Variants in GLRX3 observed in about 807,000 individuals in gnomAD.
GLRX3 encodes glutaredoxin-3.
GLRX3 carries 22 observed loss-of-function variants against 49.5 expected under a neutral mutation model. The observed-to-expected ratio is 0.44, with a 90% CI of 0.32 to 0.63. GLRX3 has a LOEUF of 0.63. Among genes scored for constraint, GLRX3 ranks in the 30% least tolerant of loss-of-function variants. The probability of loss-of-function intolerance (pLI) is 0.05; values close to 1 mark genes in which losing one functional copy is unlikely to be tolerated. For synonymous variants in GLRX3, 133 were observed against 140.0 expected, an observed-to-expected ratio of 0.95 and a Z score of 0.35; for missense variants, 385 against 396.3, an observed-to-expected ratio of 0.97 and a Z score of 0.24.
At chr10:130,138,420 C>CT (rs1157648443) in intron 1 of GLRX3, among the ~76,000 whole-genome samples, 96 of 152,216 alleles carry the variant, frequency 6.3e-4, no homozygotes, top group Non-Finnish European at 2.6e-4. Flanking sequence ...AAGTAGTACT[C>CT]TGATTTTGCA....
intron 2 of GLRX3, among the ~76,000 whole-genome samples, chr10:130,151,395 A>G (rs1213492181): frequency 6.6e-6 from 1 of 152,166 alleles, no homozygotes; most frequent in Non-Finnish European, 1.5e-5. Flanking sequence ...ATTATACTTT[A>G]AATTCTAGGG....
At position 130,179,478 on chromosome 10, in the gene GLRX3, T is replaced by C. The variant is rs1054525799; in HGVS notation, c.*86T>C. On this transcript the variant is annotated 3_prime_UTR_variant, in exon 11 of 11. Coordinates refer to ENST00000331244, the MANE Select transcript of GLRX3 (RefSeq NM_006541.5). ...CATGATTTAGTCCTCAGAAATGGAC[T>C]AGGAATAGAAAATTCCTGCTTTCTC... 3.6e-4 allele frequency: 259 copies of C among 727,084 alleles called. 1 individual carries two copies. Among genetic ancestry groups the C allele is most frequent in the Middle Eastern group, 3.8e-4 (1 of 2,642 alleles). The allele number at this position is 727,084 out of a possible 1,614,324, so 45.0% of individuals were successfully genotyped here. A position where few individuals can be genotyped will look rare whatever the true frequency, so the allele number is the denominator to read the frequency against.
rs201349500 is a variant in GLRX3, at chr10:130,136,499, C to T, written c.79C>T (p.Arg27Cys). 3.7e-5 allele frequency: 47 copies of T among 1,261,930 alleles called. No homozygotes were observed. In the East Asian group the frequency reaches 1.2e-3, roughly 33 times the overall value. 78.2% of individuals were successfully genotyped at this position (1,261,930 alleles called of 1,614,324 possible). A position where few individuals can be genotyped will look rare whatever the true frequency, so the allele number is the denominator to read the frequency against. ...GSAGQFEELL[R>C]LKAKSLLVVH... Reference sequence around the variant, plus strand: ...AGCCGGGCAGTTTGAGGAGCTGCTGCGCCTCAAAGCCAAGTAAGCGGGGCG... The same window carrying T: ...AGCCGGGCAGTTTGAGGAGCTGCTGTGCCTCAAAGCCAAGTAAGCGGGGCG... The change falls in exon 1 of 11, where the codon CGC (arginine) becomes TGC (cysteine). Residue 27 changes from arginine to cysteine, a missense_variant. This residue lies in a region of GLRX3 where 374 missense variants were observed against 358.6 expected (regional missense o/e 1.04). Coordinates refer to ENST00000331244, the MANE Select transcript of GLRX3 (RefSeq NM_006541.5).
intron 6 of GLRX3, among the ~76,000 whole-genome samples, chr10:130,168,483 A>C (rs551238695): frequency 4.6e-5 from 7 of 152,238 alleles, no homozygotes; most frequent in African/African-American, 7.2e-5. Context: ...CTGGCTCTGT[A>C]GCCCAGGCTG....
At chr10:130,141,639 CTG>C (rs1445958144) in intron 1 of GLRX3, among the ~76,000 whole-genome samples, 1 of 152,208 alleles carries the variant, frequency 6.6e-6, no homozygotes, top group Non-Finnish European at 1.5e-5. Flanking sequence ...TTGCTCATGT[CTG>C]TGGTTGGTTC....
At chr10:130,145,677 A>C (rs1465928917) in intron 2 of GLRX3, among the ~76,000 whole-genome samples, 1 of 152,174 alleles carries the variant, frequency 6.6e-6, no homozygotes, top group African/African-American at 2.4e-5. Context: ...AAATAAATAA[A>C]TAAAATAAAA....
intron 6 of GLRX3, among the ~76,000 whole-genome samples, chr10:130,168,251 C>G (rs1862732255): frequency 6.6e-6 from 1 of 152,134 alleles, no homozygotes. Flanking sequence ...TGTATTTTGG[C>G]AGTACTTTGT....
intron 2 of GLRX3, among the ~76,000 whole-genome samples, chr10:130,150,101 G>T (rs1862344580): frequency 6.6e-6 from 1 of 151,756 alleles, no homozygotes; most frequent in African/African-American, 2.4e-5. Context: ...TCAGCCAGCT[G>T]TGGTGGGACA....
At position 130,143,366 on chromosome 10, in the gene GLRX3, A is replaced by AT. The variant is rs531415772; in HGVS notation, c.93-1838dup. ...CATATTTCTGTTCGTGATTTTTCAG[A>AT]TTTTTTTGGGAGGTGGTATTATATT... On this transcript the variant is annotated intron_variant, in intron 1 of 10. Coordinates refer to ENST00000331244, the MANE Select transcript of GLRX3 (RefSeq NM_006541.5). Among the ~76,000 whole-genome samples, 72 of 152,050 alleles carry AT rather than the reference A, an allele frequency of 4.7e-4. No homozygotes were observed. The East Asian group carries it at 7.5e-3, about 16-fold the overall frequency.
At chr10:130,178,693 CTTCA>C (rs145040930) in intron 10 of GLRX3, among the ~76,000 whole-genome samples, 13,129 of 152,112 alleles carry the variant, frequency 0.086, 900 homozygotes, top group African/African-American at 0.19. Flanking sequence ...GATACCTTAA[CTTCA>C]TTTATTTATT....
At chr10:130,143,320 T>G (rs1862209618) in intron 1 of GLRX3, among the ~76,000 whole-genome samples, 1 of 152,232 alleles carries the variant, frequency 6.6e-6, no homozygotes, top group Non-Finnish European at 1.5e-5. Flanking sequence ...TTAGTTGTCC[T>G]TGGTTCTTTT....
intron 4 of GLRX3, among the ~76,000 whole-genome samples, chr10:130,163,970 A>G (rs1231493251): frequency 6.6e-6 from 1 of 152,148 alleles, no homozygotes; most frequent in African/African-American, 2.4e-5. Flanking sequence ...TTGTTTTTTG[A>G]TTAGTTTGTC....
chr10:130,153,957 G>A (rs1308430166), intron 2 of GLRX3, among the ~76,000 whole-genome samples: 1 of 152,174 alleles, frequency 6.6e-6, no homozygotes, highest in Non-Finnish European at 1.5e-5. Context: ...CCCAGTTTGA[G>A]CTTCCCTGCC....
At chr10:130,143,632 A>T (rs1376084879) in intron 1 of GLRX3, among the ~76,000 whole-genome samples, 1 of 152,024 alleles carries the variant, frequency 6.6e-6, no homozygotes, top group Non-Finnish European at 1.5e-5. Context: ...GGGCTCAAGT[A>T]ATCCTTCCAC....
chr10:130,153,301 A>G (rs572643617), intron 2 of GLRX3, among the ~76,000 whole-genome samples: 1 of 152,272 alleles, frequency 6.6e-6, no homozygotes, highest in African/African-American at 2.4e-5. Flanking sequence ...TGCTTCTGTC[A>G]ACTTGTTGAA....
chr10:130,158,880 C>T (rs140550421), intron 2 of GLRX3, among the ~76,000 whole-genome samples: 23 of 151,796 alleles, frequency 1.5e-4, no homozygotes, highest in Middle Eastern at 6.8e-3. Flanking sequence ...AAAGTGTTTT[C>T]TAAAAAAATA....
intron 2 of GLRX3, among the ~76,000 whole-genome samples, chr10:130,146,948 T>C (rs937726673): frequency 1.3e-5 from 2 of 152,200 alleles, no homozygotes; most frequent in Non-Finnish European, 2.9e-5. Context: ...TTCCAAACAG[T>C]GTAGAAAGAT....
At chr10:130,142,467 T>C (rs2134871036) in intron 1 of GLRX3, among the ~76,000 whole-genome samples, 1 of 152,294 alleles carries the variant, frequency 6.6e-6, no homozygotes, top group Admixed American at 6.5e-5. Flanking sequence ...CTCTTCTGAG[T>C]CCTTGCATCC....
chr10:130,147,162 C>T (rs186092511), intron 2 of GLRX3, among the ~76,000 whole-genome samples: 19 of 152,176 alleles, frequency 1.2e-4, no homozygotes, highest in African/African-American at 3.6e-4. Context: ...TAGAGTGTAA[C>T]CCTAAAATGT....
Sources: gnomAD v4.1 joint callset for allele counts (sites outside exome capture counted in the v4.1 genomes callset) on GRCh38, gnomAD v4.1.1 for gene constraint, gnomAD v4.1.1 regional missense constraint, MANE v1.5 for transcripts, NCBI Gene and HGNC (gene_info 2026-07-23, HGNC 2026-07-21) for gene names.